ARHGEF28: variants seen among roughly 807,000 people sequenced by gnomAD.
ARHGEF28 encodes the protein Rho guanine nucleotide exchange factor 28.
Under a neutral mutation model 206.6 loss-of-function variants are expected in ARHGEF28, and 152 were observed. That is an observed-to-expected ratio of 0.74 (90% CI 0.64 to 0.84). The LOEUF is 0.84. ARHGEF28 is among the 40% of genes least tolerant of loss of function. ARHGEF28 has a pLI of 0.00. For missense variants in ARHGEF28, 2,028 were observed against 2,073.2 expected, an observed-to-expected ratio of 0.98 and a Z score of 0.42; for synonymous variants, 763 against 776.4, an observed-to-expected ratio of 0.98 and a Z score of 0.29.
chr5:73,894,866 T>C (rs1455416166), intron 29 of ARHGEF28, among the ~76,000 whole-genome samples: 1 of 152,136 alleles, frequency 6.6e-6, no homozygotes, highest in Admixed American at 6.5e-5. Context: ...TTTGATATAA[T>C]GATATGTAAG....
In ARHGEF28 at chr5:73,934,088, T is replaced by C. The variant is rs1764284597; in HGVS notation, c.4949-6756T>C. On this transcript the variant is annotated intron_variant, in intron 35 of 35. Transcript: ENST00000513042. Reference sequence around the variant, plus strand: ...CTGGGTTGTGTTTTTTGTTTGTTTTTATTTTATTAAATGCCTCTTGAGTCA... The same window carrying C: ...CTGGGTTGTGTTTTTTGTTTGTTTTCATTTTATTAAATGCCTCTTGAGTCA... Among the ~76,000 whole-genome samples, 5 of 152,346 alleles carry C rather than the reference T, an allele frequency of 3.3e-5. No homozygotes were observed. The South Asian group carries it at 8.3e-4, about 25-fold the overall frequency.
intron 5 of ARHGEF28, 21 bp downstream of exon 5, chr5:73,774,059 GTCTC>G: frequency 3.2e-6 from 5 of 1,554,286 alleles, no homozygotes; most frequent in Non-Finnish European, 4.4e-6. Flanking sequence ...CTACTTGATA[GTCTC>G]TCTCTTATTT....
At chr5:73,740,532 T>A (rs573997298) in intron 2 of ARHGEF28, among the ~76,000 whole-genome samples, 2 of 152,256 alleles carry the variant, frequency 1.3e-5, no homozygotes, top group African/African-American at 4.8e-5. Flanking sequence ...CCCTGTATTG[T>A]TTTGTGCTCT....
At chr5:73,629,652 A>G (rs1309491181) in intron 1 of ARHGEF28, among the ~76,000 whole-genome samples, 2 of 152,178 alleles carry the variant, frequency 1.3e-5, no homozygotes, top group African/African-American at 4.8e-5. Context: ...GCTTATTTGT[A>G]ACATTATTGC....
intron 2 of ARHGEF28, among the ~76,000 whole-genome samples, chr5:73,709,257 A>C (rs1255236798): frequency 6.6e-6 from 1 of 152,166 alleles, no homozygotes; most frequent in Non-Finnish European, 1.5e-5. Context: ...GGAGTGTGGC[A>C]AATGTACAGT....
intron 2 of ARHGEF28, among the ~76,000 whole-genome samples, chr5:73,742,800 C>T (rs1273549557): frequency 3.5e-5 from 5 of 143,582 alleles, no homozygotes; most frequent in South Asian, 4.4e-4. Context: ...GTCCGCAGTC[C>T]GGCCTGGGCG....
At chr5:73,832,260 TG>T in intron 9 of ARHGEF28, 77 bp from the exon 10 acceptor site, 1 of 1,488,686 alleles carries the variant, frequency 6.7e-7, no homozygotes, top group Non-Finnish European at 9.0e-7. Flanking sequence ...TTTTTTCTTA[TG>T]GTCTAAGAAG....
chr5:73,909,757 A>G lies in ARHGEF28; in HGVS notation c.4507A>G (p.Ser1503Gly). The G allele has an allele frequency of 6.6e-7, 1 of 1,510,822 alleles. No individual in the cohort carries two copies. 93.6% of individuals were successfully genotyped at this position (1,510,822 alleles called of 1,614,324 possible). ...CCTCCAGCTCCAGGAGTACCAGCAC[A>G]GCCTGGAGCGGCTGAGGGAGGGCCA... ...LDLQLQEYQH[S>G]LERLREGQRL... Residue 1503 changes from serine (S) to glycine (G), a missense_variant, in exon 34 of 36, where the codon AGC (serine) becomes GGC (glycine). Ser to Gly is a moderately conservative substitution (Grantham distance 56). Transcript: ENST00000513042.
intron 2 of ARHGEF28, among the ~76,000 whole-genome samples, chr5:73,744,609 C>T (rs1380472696): frequency 6.6e-6 from 1 of 151,816 alleles, no homozygotes; most frequent in East Asian, 1.9e-4. Context: ...TGATAGTTCA[C>T]TTAGCACTGT....
At chr5:73,854,604 G>A (rs1001719155) in intron 14 of ARHGEF28, among the ~76,000 whole-genome samples, 19 of 152,086 alleles carry the variant, frequency 1.2e-4, no homozygotes, top group Non-Finnish European at 2.1e-4. Flanking sequence ...GCAGAGGCGG[G>A]CGGATCATCT....
chr5:73,714,300 G>A (rs1220268429), intron 2 of ARHGEF28, among the ~76,000 whole-genome samples: 2 of 152,224 alleles, frequency 1.3e-5, no homozygotes, highest in African/African-American at 4.8e-5. Flanking sequence ...GTATTAAGAT[G>A]TAGTGAGGTG....
chr5:73,937,039 A>G (rs1052611105), intron 35 of ARHGEF28, among the ~76,000 whole-genome samples: 28 of 152,248 alleles, frequency 1.8e-4, no homozygotes, highest in Admixed American at 1.8e-3. Flanking sequence ...TTGGGTAAAC[A>G]GAGAAAAGTG....
chr5:73,910,412 A>G (rs930528434), intron 34 of ARHGEF28, among the ~76,000 whole-genome samples: 5 of 146,246 alleles, frequency 3.4e-5, no homozygotes, highest in Admixed American at 1.4e-4. Flanking sequence ...AAAAAGGACA[A>G]TGTGAGGGCC....
intron 4 of ARHGEF28, among the ~76,000 whole-genome samples, chr5:73,754,932 G>A (rs959835043): frequency 8.0e-5 from 12 of 150,936 alleles, no homozygotes; most frequent in African/African-American, 2.9e-4. Flanking sequence ...GAGTCTTGCT[G>A]TATTTCTCAG....
Position 73,735,550 on chromosome 5 carries a change from G to A in ARHGEF28, c.34-14287G>A, listed in dbSNP as rs1008989617. ...TTTTTCTAATCTCTAGGTTATTTTT[G>A]GTACTCTTAAAAATTCCAGAGCAGC... On this transcript the variant is annotated intron_variant, in intron 2 of 35. Transcript: ENST00000513042. 2.2e-4 allele frequency among the ~76,000 whole-genome samples: 34 copies of A among 152,062 alleles called. 1 individual carries two copies. The highest frequency in any genetic ancestry group is 8.2e-4 in the African/African-American group (34 of 41,404).
chr5:73,699,813 AG>A (rs1654359912), intron 2 of ARHGEF28, among the ~76,000 whole-genome samples: 1 of 152,260 alleles, frequency 6.6e-6, no homozygotes, highest in Admixed American at 6.5e-5. Context: ...TGATTAATGA[AG>A]TATTCATTTT....
In ARHGEF28 at chr5:73,938,608, C is replaced by T. The variant is rs1021188052; in HGVS notation, c.4949-2236C>T. Among the ~76,000 whole-genome samples, 12 of 152,118 alleles carry T rather than the reference C, an allele frequency of 7.9e-5. No individual in the cohort carries two copies. The South Asian group carries it at 1.2e-3, about 16-fold the overall frequency. On this transcript the variant is annotated intron_variant, in intron 35 of 35. Coordinates refer to ENST00000513042, the MANE Select transcript of ARHGEF28 (RefSeq NM_001177693.2). ...CCTGTTCAGTCTGCCAGTGTCTGCT[C>T]GATGGAAATTTGGGGGCATTTTTTT...
At chr5:73,772,714 G>T (rs149014712) in intron 4 of ARHGEF28, among the ~76,000 whole-genome samples, 3 of 152,120 alleles carry the variant, frequency 2.0e-5, no homozygotes, top group Non-Finnish European at 2.9e-5. Context: ...GGTGGTGGGT[G>T]GGGCATGTTG....
intron 2 of ARHGEF28, among the ~76,000 whole-genome samples, chr5:73,698,405 G>A (rs1373663194): frequency 6.6e-6 from 1 of 151,990 alleles, no homozygotes; most frequent in Non-Finnish European, 1.5e-5. Flanking sequence ...TCCTCTGATG[G>A]AAATCTGGTG....
Sources: allele counts gnomAD v4.1 joint callset (sites outside exome capture counted in the v4.1 genomes callset), GRCh38; gene constraint gnomAD v4.1.1; transcripts MANE v1.5; gene names NCBI Gene and HGNC (gene_info 2026-07-23, HGNC 2026-07-21).